The following PLEKHA6 variants were observed in gnomAD, a reference collection of about 807,000 sequenced individuals.
PLEKHA6 encodes pleckstrin homology domain containing A6.
Under a neutral mutation model 116.7 loss-of-function variants are expected in PLEKHA6, and 60 were observed. The observed-to-expected ratio is 0.51, with a 90% CI of 0.42 to 0.64. The LOEUF is 0.64. PLEKHA6 is among the 30% of genes least tolerant of loss of function. The pLI is 0.00. For missense variants in PLEKHA6, 1,338 were observed against 1,422.7 expected (o/e 0.94, Z 0.96); for synonymous variants, 489 against 556.1 (o/e 0.88, Z 1.70).
chr1:204,372,789 A>G (rs1673799765), intron 1 of PLEKHA6, among the ~76,000 whole-genome samples: 1 of 149,012 alleles, frequency 6.7e-6, no homozygotes, highest in South Asian at 2.1e-4. Context: ...CCCTCTCCCC[A>G]GCAACTGATT....
intron 1 of PLEKHA6, among the ~76,000 whole-genome samples, chr1:204,294,015 C>T (rs1670026024): frequency 1.3e-5 from 2 of 152,142 alleles, no homozygotes; most frequent in South Asian, 4.2e-4. Context: ...ATTAAGTTTC[C>T]TGAGTCTGTT....
At chr1:204,265,592 C>T (rs1236799491) in intron 5 of PLEKHA6, among the ~76,000 whole-genome samples, 1 of 152,226 alleles carries the variant, frequency 6.6e-6, no homozygotes, top group African/African-American at 2.4e-5. Context: ...ATCTATCCTG[C>T]CTCGCTAAAT....
chr1:204,356,553 C>T (rs1177672247), intron 1 of PLEKHA6, among the ~76,000 whole-genome samples: 1 of 149,794 alleles, frequency 6.7e-6, no homozygotes, highest in Non-Finnish European at 1.5e-5. Flanking sequence ...GACAACAGAA[C>T]AAGGCCCTGT....
At chr1:204,267,066 G>T (rs1234240714) in intron 5 of PLEKHA6, among the ~76,000 whole-genome samples, 3 of 152,170 alleles carry the variant, frequency 2.0e-5, no homozygotes. Context: ...TTCACAGATG[G>T]GACTGTGCAT....
At chr1:204,271,714 A>G (rs1572004096) in intron 3 of PLEKHA6, among the ~76,000 whole-genome samples, 1 of 152,144 alleles carries the variant, frequency 6.6e-6, no homozygotes, top group South Asian at 2.1e-4. Flanking sequence ...TAATCCAGCT[A>G]CCTGCCTTCC....
In PLEKHA6 at chr1:204,351,146, C is replaced by T. The variant is rs114055479; in HGVS notation, c.-95+8548G>A. Among the ~76,000 whole-genome samples the T allele has an allele frequency of 7.8e-3, 1,187 of 152,316 alleles. 6 individuals carry two copies. Among genetic ancestry groups the T allele is most frequent in the Admixed American group, 0.017 (256 of 15,302 alleles). On this transcript the variant is annotated intron_variant, in intron 1 of 22. Coordinates refer to ENST00000272203, the MANE Select transcript of PLEKHA6 (RefSeq NM_014935.5). The stretch of plus-strand genomic sequence containing the variant: ...GAAGGTCAGGGGACCAGCCGGGCTA[C>T]CGAGCAGCTGGGATGCTGCTGGCAG...
upstream of PLEKHA6, among the ~76,000 whole-genome samples, chr1:204,364,088 T>G (rs534551038): frequency 3.3e-5 from 5 of 152,178 alleles, no homozygotes; most frequent in East Asian, 9.6e-4. Flanking sequence ...ATGTCAATAT[T>G]TGCTCATTGA....
chr1:204,271,786 G>A (rs1039286207), intron 3 of PLEKHA6, among the ~76,000 whole-genome samples: 2 of 152,128 alleles, frequency 1.3e-5, no homozygotes, highest in African/African-American at 2.4e-5. Flanking sequence ...GCAGATTTAG[G>A]GCTGCACAGA....
intron 1 of PLEKHA6, among the ~76,000 whole-genome samples, chr1:204,343,898 C>G (rs560025287): frequency 6.6e-6 from 1 of 152,156 alleles, no homozygotes; most frequent in Non-Finnish European, 1.5e-5. Context: ...ACTCTGACAC[C>G]AGGAGCACAG....
chr1:204,345,486 T>G (rs926639562), intron 1 of PLEKHA6, among the ~76,000 whole-genome samples: 3 of 151,434 alleles, frequency 2.0e-5, no homozygotes, highest in South Asian at 4.2e-4. Context: ...ACTCCCCATC[T>G]CTGCTGTGCC....
intron 1 of PLEKHA6, chr1:204,282,760 C>A (rs775018647): frequency 9.1e-6 from 9 of 985,248 alleles, no homozygotes; most frequent in Non-Finnish European, 8.4e-6. Context: ...CTGGGGCAAT[C>A]CAGCTCCCTG....
chr1:204,351,006 C>G (rs1445109795), intron 1 of PLEKHA6, among the ~76,000 whole-genome samples: 1 of 152,308 alleles, frequency 6.6e-6, no homozygotes, highest in South Asian at 2.1e-4. Flanking sequence ...GCTGACTTCC[C>G]CCAGCTCACC....
Position 204,245,723 on chromosome 1 carries a change from C to G in PLEKHA6, c.1924G>C (p.Glu642Gln). Residue 642 changes from glutamate to glutamine, a missense_variant, in exon 14 of 23, where the codon GAG becomes CAG. By Grantham distance (29) the Glu-to-Gln change is conservative. Around this residue, in one of 3 missense-constraint regions of PLEKHA6, gnomAD observed 1,136 missense variants for 1,163.6 expected, o/e 0.98. Transcript: ENST00000272203. ...WEQLNLDTQN[E>Q]VLNRQIQKEI... ...TTTTGGATTTGCCGGTTCAGCACCTCATTCTGAAGCAGCCACACAGTGAGT... is the reference window on the plus strand; with the variant it reads ...TTTTGGATTTGCCGGTTCAGCACCTGATTCTGAAGCAGCCACACAGTGAGT... 1 of 1,604,064 alleles carries G rather than the reference C, an allele frequency of 6.2e-7. No individual in the cohort carries two copies. Among genetic ancestry groups the G allele is most frequent in the Non-Finnish European group, 8.5e-7 (1 of 1,171,800 alleles).
At chr1:204,350,907 A>G (rs1260973257) in intron 1 of PLEKHA6, among the ~76,000 whole-genome samples, 1 of 152,210 alleles carries the variant, frequency 6.6e-6, no homozygotes, top group African/African-American at 2.4e-5. Flanking sequence ...TCCCAGTCCC[A>G]CGAGGGAGAG....
intron 1 of PLEKHA6, among the ~76,000 whole-genome samples, chr1:204,279,075 C>T (rs1413166108): frequency 6.6e-6 from 1 of 152,126 alleles, no homozygotes; most frequent in Non-Finnish European, 1.5e-5. Flanking sequence ...GATCCACCTT[C>T]AGTAGGACGG....
intron 2 of PLEKHA6, among the ~76,000 whole-genome samples, chr1:204,371,072 A>AT (rs1673765666): frequency 6.6e-6 from 1 of 151,952 alleles, no homozygotes; most frequent in South Asian, 2.1e-4. Flanking sequence ...AAAAAAAAAA[A>AT]AAAAATTCAG....
chr1:204,311,498 A>C (rs1348686080), intron 1 of PLEKHA6: 5 of 589,018 alleles, frequency 8.5e-6, no homozygotes, highest in Non-Finnish European at 1.1e-5. Flanking sequence ...TGTCAAAAAA[A>C]AAAAAAGTTA....
At chr1:204,318,492 T>C (rs1459183293) in intron 1 of PLEKHA6, among the ~76,000 whole-genome samples, 3 of 152,236 alleles carry the variant, frequency 2.0e-5, no homozygotes, top group Non-Finnish European at 4.4e-5. Context: ...TGCAGCCAAC[T>C]TCTTGCATAG....
intron 7 of PLEKHA6, among the ~76,000 whole-genome samples, chr1:204,260,119 A>G (rs370767498): frequency 6.6e-5 from 10 of 152,108 alleles, no homozygotes; most frequent in East Asian, 5.8e-4. Flanking sequence ...CAGCTCCCCA[A>G]ACTGGGTTTG....
Sources: gnomAD v4.1 joint callset for allele counts (sites outside exome capture counted in the v4.1 genomes callset) on GRCh38, gnomAD v4.1.1 for gene constraint, gnomAD v4.1.1 regional missense constraint, MANE v1.5 for transcripts, NCBI Gene and HGNC (gene_info 2026-07-23, HGNC 2026-07-21) for gene names.